Variants in SLC27A5 observed in about 807,000 individuals in gnomAD.
The protein encoded by SLC27A5 is solute carrier family 27 member 5, also known as long-chain fatty acid transport protein 5.
Under a neutral mutation model 63.1 loss-of-function variants are expected in SLC27A5, and 47 were observed. The ratio of observed to expected loss-of-function variants is 0.74; its 90% CI spans 0.59 to 0.95. The LOEUF is 0.95. SLC27A5 is among the 40% of genes least tolerant of loss of function. The pLI, the probability that SLC27A5 is intolerant of heterozygous loss-of-function variation, is 0.00. For synonymous variants in SLC27A5, 391 were observed against 403.8 expected, an observed-to-expected ratio of 0.97 and a Z score of 0.38; for missense variants, 940 against 921.0, an observed-to-expected ratio of 1.02 and a Z score of -0.27.
rs1198470164 is a variant in SLC27A5 at position 58,502,511 on chromosome 19, G to A, written c.1058-1101C>T. Among the ~76,000 whole-genome samples, 3 of 84,912 alleles carry A rather than the reference G, an allele frequency of 3.5e-5. 1 individual carries two copies. The highest frequency in any genetic ancestry group is 1.1e-4 in the African/African-American group (3 of 27,468). 55.7% of individuals were successfully genotyped at this position (84,912 alleles called of 152,430 possible). The stretch of plus-strand genomic sequence containing the variant: ...GATGGGTGAACAGTTACAGTAGTGA[G>A]TGAGAAGATGGATGGGTGAACAGTT... On this transcript the variant is annotated intron_variant, in intron 3 of 9. Coordinates refer to ENST00000263093, the MANE Select transcript of SLC27A5 (RefSeq NM_012254.3).
In SLC27A5 at chr19:58,509,927, G is replaced by C. The variant is rs1471505408; in HGVS notation, c.977C>G (p.Ala326Gly). 1 of 1,613,996 alleles carries C rather than the reference G, an allele frequency of 6.2e-7. No homozygotes were observed. Among genetic ancestry groups the C allele is most frequent in the Non-Finnish European group, 8.5e-7 (1 of 1,180,034 alleles). The change falls in exon 3 of 10, where the codon GCT becomes GGT. Residue 326 changes from alanine (A) to glycine (G), a missense_variant. Coordinates refer to ENST00000263093, the MANE Select transcript of SLC27A5 (RefSeq NM_012254.3). ...CAGGACCGTGTAAACCACATCATCA[G>C]CTGTGGCCCCAGATAAGGACAGCAT... ...SKMLSLSGATADDVVYTVLPL... is the reference protein window; with the variant it reads ...SKMLSLSGATGDDVVYTVLPL...
intron 2 of SLC27A5, chr19:58,510,469 G>T (rs555900802): frequency 4.5e-5 from 20 of 440,504 alleles, no homozygotes; most frequent in African/African-American, 4.0e-4. Flanking sequence ...AGCTACTCAG[G>T]AGGCTGAGGC....
chr19:58,509,711 T>C (rs965550672), intron 3 of SLC27A5, 136 bp downstream of exon 3: 7 of 758,218 alleles, frequency 9.2e-6, no homozygotes, highest in Middle Eastern at 3.6e-4. Flanking sequence ...CTGGTAGTCA[T>C]TGGTGGGTGT....
chr19:58,502,261 TAGTG>T (rs930156144), intron 3 of SLC27A5, among the ~76,000 whole-genome samples: 18 of 143,940 alleles, frequency 1.3e-4, no homozygotes, highest in Non-Finnish European at 1.8e-4. Context: ...GGTGACAGAG[TAGTG>T]AGTGAGTAGA....
intron 2 of SLC27A5, 131 bp downstream of exon 2, chr19:58,510,590 A>C: frequency 1.2e-6 from 1 of 862,502 alleles, no homozygotes; most frequent in Non-Finnish European, 1.7e-6. Flanking sequence ...AAAAACAGCC[A>C]AACAAAAAAC....
intron 3 of SLC27A5, 49 bp from the exon 4 acceptor site, chr19:58,501,459 G>A (rs772098970): frequency 3.1e-6 from 5 of 1,594,508 alleles, no homozygotes; most frequent in African/African-American, 2.7e-5. Flanking sequence ...CCAAATTGTT[G>A]TAAGAAGCTG....
Position 58,510,715 on chromosome 19 carries a change from C to T in SLC27A5, c.898+6G>A, listed in dbSNP as rs1483888434. On this transcript the variant is annotated splice_donor_region_variant and intron_variant, in intron 2 of 9. Coordinates refer to ENST00000263093, the MANE Select transcript of SLC27A5 (RefSeq NM_012254.3). ...GGCTGGTGCTAGGGCTAATGGGCAC[C>T]CTCACCAGTGGTCCCCGAGGTATAG... is the stretch of plus-strand genomic sequence containing the variant. 1 of 1,594,418 alleles carries T rather than the reference C, an allele frequency of 6.3e-7. No individual in the cohort carries two copies. Among genetic ancestry groups the T allele is most frequent in the Non-Finnish European group, 8.6e-7 (1 of 1,168,258 alleles).
intron 3 of SLC27A5, 23 bp downstream of exon 3, chr19:58,509,824 G>A: frequency 1.2e-6 from 2 of 1,603,096 alleles, no homozygotes; most frequent in Non-Finnish European, 1.7e-6. Flanking sequence ...GTAGACTGGA[G>A]GGATCCTCAG....
intron 1 of SLC27A5, 32 bp from the exon 2 acceptor site, chr19:58,510,962 C>T: frequency 1.3e-6 from 2 of 1,527,280 alleles, no homozygotes; most frequent in Admixed American, 2.0e-5. Context: ...GAAACAGAGG[C>T]AAGGCTCACC....
At position 58,499,548 on chromosome 19, in the gene SLC27A5, C is replaced by G. The variant is rs535316984; in HGVS notation, c.1611G>C (p.Leu537=). ...GDVYYNTGDV[L]AMDREGFLYF... The stretch of plus-strand genomic sequence containing the variant: ...AGAGGAAGCCTTCGCGGTCCATGGC[C>G]AGTACGTCCCCGGTGTTGTAGTAAA... The change falls in exon 7 of 10, where the codon CTG becomes CTC. Residue 537 remains leucine (L), a synonymous_variant. Coordinates refer to ENST00000263093, the MANE Select transcript of SLC27A5 (RefSeq NM_012254.3). 1 of 1,613,168 alleles carries G rather than the reference C, an allele frequency of 6.2e-7. No homozygotes were observed. Among genetic ancestry groups the G allele is most frequent in the South Asian group, 1.1e-5 (1 of 91,068 alleles).
At position 58,505,761 on chromosome 19, in the gene SLC27A5, T is replaced by A. The variant is rs546146053; in HGVS notation, c.1057+4086A>T. ...TACTTGGGATGCTGAGGCAGGAGAA[T>A]CGCTTGAACCCAGGAGGCAGAGGTT... On this transcript the variant is annotated intron_variant, in intron 3 of 9. Transcript: ENST00000263093. 1.1e-4 allele frequency among the ~76,000 whole-genome samples: 17 copies of A among 149,664 alleles called. 1 individual carries two copies. In the South Asian group the frequency reaches 3.6e-3, roughly 32 times the overall value.
At position 58,498,530 on chromosome 19, in the gene SLC27A5, T is replaced by C; in HGVS notation, c.2058A>G (p.Gly686=). 6.2e-7 allele frequency: 1 copy of C among 1,612,176 alleles called. No homozygotes were observed. The highest frequency in any genetic ancestry group is 2.2e-5 in the East Asian group (1 of 44,806). The change falls in exon 10 of 10, where the codon GGA becomes GGG. Residue 686 remains glycine (G), a synonymous_variant. Coordinates refer to ENST00000263093, the MANE Select transcript of SLC27A5 (RefSeq NM_012254.3). ...GGCCAGGTGATCAGAGCCTCCAGGTTCCCTCACACACAGCCTGGTACATTT... is the reference window on the plus strand; with the variant it reads ...GGCCAGGTGATCAGAGCCTCCAGGTCCCCTCACACACAGCCTGGTACATTT... ...TAEMYQAVCE[G]TWRL
chr19:58,500,837 C>A, intron 4 of SLC27A5, 131 bp from the exon 5 acceptor site: 1 of 1,461,230 alleles, frequency 6.8e-7, no homozygotes. Flanking sequence ...GGACCTCTAC[C>A]TAAGGGATCT....
intron 8 of SLC27A5, 52 bp downstream of exon 8, chr19:58,499,071 G>T: frequency 6.2e-7 from 1 of 1,607,108 alleles, no homozygotes; most frequent in South Asian, 1.1e-5. Flanking sequence ...TCAGAATAAC[G>T]ACCCCTCCAC....
chr19:58,503,794 C>A (rs2053310391), intron 3 of SLC27A5, among the ~76,000 whole-genome samples: 1 of 102,424 alleles, frequency 9.8e-6, no homozygotes, highest in South Asian at 2.9e-4. Flanking sequence ...TTGTTAAAAA[C>A]AAACAAACAA....
intron 2 of SLC27A5, 70 bp downstream of exon 2, chr19:58,510,651 C>G (rs1043866981): frequency 7.5e-7 from 1 of 1,335,578 alleles, no homozygotes; most frequent in African/African-American, 1.5e-5. Flanking sequence ...CACTGAGTCA[C>G]AAGTCAAGTG....
rs758815474 is a variant in SLC27A5 at position 58,511,404 on chromosome 19, G to A, written c.552C>T (p.Ala184=). 1.3e-5 allele frequency: 21 copies of A among 1,607,656 alleles called. No individual in the cohort carries two copies. Among genetic ancestry groups the A allele is most frequent in the East Asian group, 4.5e-5 (2 of 44,702 alleles). The part of the protein sequence containing the change: ...PTALLVLASQ[A]VPALCMWLGL... ...CCAGCCACATACACAGGGCTGGAAC[G>A]GCCTGGGAAGCCAGCACAAGGAGGG... Residue 184 remains alanine, a synonymous_variant, in exon 1 of 10, where the codon GCC becomes GCT. Coordinates refer to ENST00000263093, the MANE Select transcript of SLC27A5 (RefSeq NM_012254.3).
Position 58,500,442 on chromosome 19 carries a change from G to A in SLC27A5, c.1378-13C>T, listed in dbSNP as rs1271756577. On this transcript the variant is annotated splice_polypyrimidine_tract_variant and intron_variant, in intron 5 of 9. Coordinates refer to ENST00000263093, the MANE Select transcript of SLC27A5 (RefSeq NM_012254.3). ...AGGGGGACAGCATCTGGGGTGGAGG[G>A]TGGAGTGTTGACATAGGTCCTGTGG... 5.6e-6 allele frequency: 9 copies of A among 1,613,824 alleles called. No homozygotes were observed. Among genetic ancestry groups the A allele is most frequent in the Middle Eastern group, 1.6e-4 (1 of 6,062 alleles).
intron 4 of SLC27A5, 161 bp from the exon 5 acceptor site, chr19:58,500,867 G>A (rs1043211062): frequency 2.1e-6 from 3 of 1,433,254 alleles, no homozygotes; most frequent in Non-Finnish European, 2.7e-6. Flanking sequence ...ACTTACATGA[G>A]AGTAGTTACT....
Sources: allele counts gnomAD v4.1 joint callset (sites outside exome capture counted in the v4.1 genomes callset), GRCh38; gene constraint gnomAD v4.1.1; transcripts MANE v1.5; gene names NCBI Gene and HGNC (gene_info 2026-07-23, HGNC 2026-07-21).